SLC16A4: variants seen among roughly 807,000 people sequenced by gnomAD.
The protein encoded by SLC16A4 is solute carrier family 16 member 4.
In SLC16A4, 39 loss-of-function variants were observed where a neutral mutation model predicts 47.9. That is an observed-to-expected ratio of 0.81 (90% CI 0.63 to 1.06). SLC16A4 has a LOEUF of 1.06. Ranked by LOEUF, SLC16A4 falls within the 50% of genes least tolerant of loss-of-function variation. The pLI, the probability that SLC16A4 is intolerant of heterozygous loss-of-function variation, is 0.00. For synonymous variants in SLC16A4, 189 were observed against 199.9 expected, an observed-to-expected ratio of 0.95 and a Z score of 0.46; for missense variants, 524 against 573.8, an observed-to-expected ratio of 0.91 and a Z score of 0.89.
intron 2 of SLC16A4, among the ~76,000 whole-genome samples, chr1:110,388,589 G>A (rs1382510333): frequency 6.6e-6 from 1 of 152,126 alleles, no homozygotes; most frequent in Non-Finnish European, 1.5e-5. Flanking sequence ...CTTTTGGGAT[G>A]GTTAAAAGTA....
chr1:110,381,571 T>C, intron 4 of SLC16A4, 81 bp downstream of exon 4: 1 of 1,428,708 alleles, frequency 7.0e-7, no homozygotes, highest in Non-Finnish European at 9.5e-7. Context: ...TCCACCCACT[T>C]TGGCCTCCCA....
rs1056670051 is a variant in SLC16A4, at chr1:110,363,974, A to C, written c.1337-81T>G. The stretch of plus-strand genomic sequence containing the variant: ...CAGCCATGAATAGCTCCTCAAAGCA[A>C]GGAGCCTCCTGTATTGTGACCCATT... On this transcript the variant is annotated intron_variant, in intron 8 of 8. Transcript: ENST00000369779. The C allele has an allele frequency of 2.7e-6, 4 of 1,464,822 alleles. No homozygotes were observed. In the African/African-American group the frequency reaches 4.3e-5, roughly 16 times the overall value. 90.7% of individuals were successfully genotyped at this position (1,464,822 alleles called of 1,614,324 possible).
At position 110,388,046 on chromosome 1, in the gene SLC16A4, A is replaced by G. The variant is rs958349128; in HGVS notation, c.87+1191T>C. On this transcript the variant is annotated intron_variant, in intron 2 of 8. Transcript: ENST00000369779. ...ATTAGAAGGCACCAAGACCTGTGCT[A>G]CCTTTCCCCGTGAGCTGCTTACTGT... Among the ~76,000 whole-genome samples the G allele has an allele frequency of 8.5e-5, 13 of 152,228 alleles. 1 individual carries two copies. Among genetic ancestry groups the G allele is most frequent in the Admixed American group, 4.6e-4 (7 of 15,276 alleles).
At chr1:110,382,071 G>T (rs931612018) in intron 3 of SLC16A4, among the ~76,000 whole-genome samples, 3 of 152,226 alleles carry the variant, frequency 2.0e-5, no homozygotes, top group Admixed American at 2.0e-4. Flanking sequence ...TCCACAAAAA[G>T]ATTGCATCTA....
intron 2 of SLC16A4, among the ~76,000 whole-genome samples, chr1:110,384,993 AC>A (rs753351030): frequency 2.6e-5 from 4 of 152,174 alleles, no homozygotes; most frequent in Non-Finnish European, 4.4e-5. Context: ...AGCCTGGGCG[AC>A]AGTGAGACCT....
intron 8 of SLC16A4, among the ~76,000 whole-genome samples, chr1:110,366,423 G>A (rs1413389191): frequency 6.6e-6 from 1 of 152,078 alleles, no homozygotes; most frequent in Non-Finnish European, 1.5e-5. Flanking sequence ...GCCTTCTAAA[G>A]TGCTTGGATT....
intron 8 of SLC16A4, among the ~76,000 whole-genome samples, chr1:110,365,032 CTT>C (rs1209565995): frequency 6.6e-6 from 1 of 151,964 alleles, no homozygotes; most frequent in South Asian, 2.1e-4. Context: ...GCCTCCTGGA[CTT>C]CCTAAAGGGT....
chr1:110,369,126 T>G (rs938560964), intron 8 of SLC16A4, among the ~76,000 whole-genome samples: 50 of 151,992 alleles, frequency 3.3e-4, no homozygotes, highest in Admixed American at 2.6e-4. Flanking sequence ...AGCTAATTTT[T>G]GTATTTTTAG....
chr1:110,375,249 G>A, intron 8 of SLC16A4: 1 of 477,408 alleles, frequency 2.1e-6, no homozygotes, highest in South Asian at 3.4e-5. Context: ...AAGAATATAA[G>A]AATCTGCTTA....
chr1:110,381,281 ATCT>A (rs1662366407), intron 4 of SLC16A4, 138 bp from the exon 5 acceptor site: 1 of 664,786 alleles, frequency 1.5e-6, no homozygotes, highest in South Asian at 1.9e-5. Flanking sequence ...GTCCTGTTCC[ATCT>A]TCTATCTTCT....
intron 7 of SLC16A4, among the ~76,000 whole-genome samples, chr1:110,376,496 G>A (rs1384690149): frequency 6.6e-6 from 1 of 152,148 alleles, no homozygotes; most frequent in Non-Finnish European, 1.5e-5. Context: ...TGGAGAGGAA[G>A]TATAAAACAA....
chr1:110,388,899 C>T (rs1012486601), intron 2 of SLC16A4, among the ~76,000 whole-genome samples: 4 of 152,122 alleles, frequency 2.6e-5, no homozygotes, highest in Admixed American at 1.3e-4. Context: ...TTGTAGTGAT[C>T]GGGTTTCACC....
rs1662206976 is a variant in SLC16A4, at chr1:110,379,180, ACT to A, written c.701_702del (p.Glu234ValfsTer15). Reference protein sequence around the residue: ...ATETHCHETEESTIKDSTTQK... With the variant: ...ATETHCHETEXSTIKDSTTQK... ...TGCGTAGTACTGTCCTTGATGGTAGACTCTTCTGTCTCATGGCAGTGTGTTTC... is the reference window on the plus strand; with the variant it reads ...TGCGTAGTACTGTCCTTGATGGTAGACTTCTGTCTCATGGCAGTGTGTTTC... On this transcript the variant is annotated frameshift_variant, in exon 6 of 9. Coordinates refer to ENST00000369779, the MANE Select transcript of SLC16A4 (RefSeq NM_004696.3). LOFTEE classifies it high-confidence loss of function. The A allele has an allele frequency of 1.3e-5, 21 of 1,614,052 alleles. No individual in the cohort carries two copies. Among genetic ancestry groups the A allele is most frequent in the Non-Finnish European group, 1.8e-5 (21 of 1,180,020 alleles).
chr1:110,364,918 G>A (rs1362028519), intron 8 of SLC16A4, among the ~76,000 whole-genome samples: 2 of 149,596 alleles, frequency 1.3e-5, no homozygotes, highest in Non-Finnish European at 1.5e-5. Flanking sequence ...TTTTTTAACT[G>A]AGTAGGTGAT....
At chr1:110,380,713 C>T (rs747097929) in intron 5 of SLC16A4, among the ~76,000 whole-genome samples, 6 of 152,194 alleles carry the variant, frequency 3.9e-5, no homozygotes, top group Non-Finnish European at 7.3e-5. Flanking sequence ...GCACGGAATG[C>T]CCTCCATCTC....
At chr1:110,383,821 T>TG (rs1557913683) in intron 2 of SLC16A4, among the ~76,000 whole-genome samples, 3 of 135,994 alleles carry the variant, frequency 2.2e-5, no homozygotes, top group African/African-American at 5.3e-5. Flanking sequence ...TTTTTTTTTT[T>TG]TTTTTTTTTT....
intron 2 of SLC16A4, among the ~76,000 whole-genome samples, chr1:110,386,612 C>A (rs1662748771): frequency 6.6e-6 from 1 of 152,186 alleles, no homozygotes; most frequent in Admixed American, 6.5e-5. Context: ...AGCTTCCTCA[C>A]TAGATCATTT....
rs1661171877 is a variant in SLC16A4, at chr1:110,363,211, T to C, written c.*555A>G. 1.3e-5 allele frequency: 2 copies of C among 152,244 alleles called. No homozygotes were observed. The highest frequency in any genetic ancestry group is 2.9e-5 in the Non-Finnish European group (2 of 68,042). 9.4% of individuals were successfully genotyped at this position (152,244 alleles called of 1,614,324 possible). A position where few individuals can be genotyped will look rare whatever the true frequency, so the allele number is the denominator to read the frequency against. ...ATGGTACATTCCGATTTCTATTTAA[T>C]ACATAAGGTACCTGATTAAAATTTT... On this transcript the variant is annotated 3_prime_UTR_variant, in exon 9 of 9. Coordinates refer to ENST00000369779, the MANE Select transcript of SLC16A4 (RefSeq NM_004696.3).
intron 8 of SLC16A4, chr1:110,371,703 T>C (rs1261040429): frequency 2.0e-5 from 3 of 152,218 alleles, no homozygotes; most frequent in Non-Finnish European, 4.4e-5. Flanking sequence ...GTGTGACATT[T>C]GGCCTACACG....
Sources: allele counts gnomAD v4.1 joint callset (sites outside exome capture counted in the v4.1 genomes callset), GRCh38; gene constraint gnomAD v4.1.1; transcripts MANE v1.5; gene names NCBI Gene and HGNC (gene_info 2026-07-23, HGNC 2026-07-21).